Variants in MPHOSPH8 observed in about 807,000 individuals in gnomAD.
MPHOSPH8 encodes the protein M-phase phosphoprotein, mpp.
A neutral mutation model predicts 87.3 loss-of-function variants in MPHOSPH8; 45 were observed. That is an observed-to-expected ratio of 0.52 (90% CI 0.41 to 0.66). MPHOSPH8 has a LOEUF of 0.66. Among genes scored for constraint, MPHOSPH8 ranks in the 30% least tolerant of loss-of-function variants. The probability of loss-of-function intolerance (pLI) is 0.00; values close to 1 mark genes in which losing one functional copy is unlikely to be tolerated. For synonymous variants in MPHOSPH8, 366 were observed against 376.9 expected (o/e 0.97, Z 0.33); for missense variants, 883 against 1,020.2 (o/e 0.87, Z 1.83).
intron 5 of MPHOSPH8, among the ~76,000 whole-genome samples, chr13:19,658,388 C>T (rs1383399149): frequency 6.6e-6 from 1 of 152,170 alleles, no homozygotes; most frequent in Admixed American, 6.5e-5. Context: ...TGATTGATTG[C>T]AGTGGTGATA....
chr13:19,662,932 G>A lies in MPHOSPH8; in HGVS notation c.1933-108G>A. The A allele has an allele frequency of 3.2e-6, 3 of 944,066 alleles. No individual in the cohort carries two copies. In the East Asian group the frequency reaches 7.6e-5, roughly 24 times the overall value. The allele number at this position is 944,066 out of a possible 1,614,324, so 58.5% of individuals were successfully genotyped here. On this transcript the variant is annotated intron_variant, in intron 8 of 13. Transcript: ENST00000361479. ...AATGCTGCAGCCCGCAACCACTTGT[G>A]ATAGAACCTGCTGGGTATTTTTCCT...
chr13:19,650,880 A>G (rs1220520926), intron 5 of MPHOSPH8, among the ~76,000 whole-genome samples: 1 of 152,226 alleles, frequency 6.6e-6, no homozygotes, highest in African/African-American at 2.4e-5. Context: ...AAACCCTTAT[A>G]CTACAAAAAT....
intron 1 of MPHOSPH8, among the ~76,000 whole-genome samples, chr13:19,634,603 T>G (rs1354679589): frequency 6.6e-6 from 1 of 152,108 alleles, no homozygotes; most frequent in Non-Finnish European, 1.5e-5. Flanking sequence ...CTCAAATGCT[T>G]CCAAGGCCTC....
chr13:19,636,941 G>A (rs1290867863), intron 1 of MPHOSPH8, among the ~76,000 whole-genome samples: 1 of 152,080 alleles, frequency 6.6e-6, no homozygotes, highest in African/African-American at 2.4e-5. Flanking sequence ...AAATCCTAGG[G>A]CTATCATGCA....
chr13:19,648,503 G>C lies in MPHOSPH8; in HGVS notation c.1300G>C (p.Glu434Gln). 6.3e-7 allele frequency: 1 copy of C among 1,575,010 alleles called. No individual in the cohort carries two copies. Among genetic ancestry groups the C allele is most frequent in the Non-Finnish European group, 8.6e-7 (1 of 1,160,614 alleles). Residue 434 changes from glutamate to glutamine, a missense_variant, in exon 4 of 14, where the codon GAG (glutamate) becomes CAG (glutamine). This residue lies in a region of MPHOSPH8 where 741 missense variants were observed against 841.5 expected (regional missense o/e 0.88). Coordinates refer to ENST00000361479, the MANE Select transcript of MPHOSPH8 (RefSeq NM_017520.4). ...DSDKEEKGRK[E>Q]PKGLKTLKEI... ...TGACAAGGAAGAAAAAGGCAGAAAA[G>C]AGCCAAAAGGATTAAAGAGTGAGTG...
intron 5 of MPHOSPH8, 22 bp downstream of exon 5, chr13:19,650,282 A>T (rs760621888): frequency 1.2e-6 from 2 of 1,606,478 alleles, no homozygotes; most frequent in Non-Finnish European, 1.7e-6. Context: ...ATCATTTTGC[A>T]GAATTTTTCA....
intron 9 of MPHOSPH8, among the ~76,000 whole-genome samples, chr13:19,663,586 C>T (rs923705270): frequency 1.3e-5 from 2 of 152,174 alleles, no homozygotes; most frequent in Admixed American, 6.5e-5. Flanking sequence ...TTTGTTGCCT[C>T]GGGCTTGTTC....
intron 5 of MPHOSPH8, among the ~76,000 whole-genome samples, chr13:19,652,089 G>A (rs9551930): frequency 0.09 from 13,771 of 152,210 alleles, 1,554 homozygotes; most frequent in East Asian, 0.59. Flanking sequence ...GCAACAGTGC[G>A]AGTCTCCATC....
At chr13:19,653,884 G>T (rs1348024791) in intron 5 of MPHOSPH8, among the ~76,000 whole-genome samples, 4 of 152,096 alleles carry the variant, frequency 2.6e-5, no homozygotes, top group African/African-American at 9.7e-5. Flanking sequence ...AATGAACAAA[G>T]CCTCCAAGAA....
At chr13:19,671,396 GAGACAGGCAC>G in intron 13 of MPHOSPH8, 107 bp downstream of exon 13, 1 of 933,298 alleles carries the variant, frequency 1.1e-6, no homozygotes, top group South Asian at 1.4e-5. Flanking sequence ...ACCTGTCCTA[GAGACAGGCAC>G]TCCCTGGGGT....
intron 11 of MPHOSPH8, among the ~76,000 whole-genome samples, chr13:19,669,112 G>T (rs1445228887): frequency 6.6e-6 from 1 of 152,158 alleles, no homozygotes; most frequent in Non-Finnish European, 1.5e-5. Flanking sequence ...CCTGGAAAAT[G>T]TATTTAAGAA....
intron 1 of MPHOSPH8, 87 bp downstream of exon 1, chr13:19,634,048 C>G (rs1255001590): frequency 1.3e-5 from 17 of 1,340,228 alleles, no homozygotes; most frequent in Non-Finnish European, 1.8e-5. Flanking sequence ...ACGGGCAGAC[C>G]CAAAACAGGA....
intron 5 of MPHOSPH8, among the ~76,000 whole-genome samples, chr13:19,652,709 G>A (rs1874926975): frequency 6.6e-6 from 1 of 152,152 alleles, no homozygotes; most frequent in South Asian, 2.1e-4. Context: ...CAGCACAGCA[G>A]TCTGAGATCA....
intron 8 of MPHOSPH8, among the ~76,000 whole-genome samples, chr13:19,662,820 G>A (rs1875615394): frequency 6.6e-6 from 1 of 152,228 alleles, no homozygotes; most frequent in Non-Finnish European, 1.5e-5. Flanking sequence ...GTTGGAGCTA[G>A]CGGTTCCATT....
In MPHOSPH8 at chr13:19,672,573, A is replaced by C. The variant is rs1019683628; in HGVS notation, c.*698A>C. ...CAGCAAGGGAGCCATGTTATATTCA[A>C]GTTACCCAAGCACCAAATAAAGTGT... is the stretch of plus-strand genomic sequence containing the variant. On this transcript the variant is annotated 3_prime_UTR_variant, in exon 14 of 14. Transcript: ENST00000361479. 1 of 152,544 alleles carries C rather than the reference A, an allele frequency of 6.6e-6. No individual in the cohort carries two copies. 9.4% of individuals were successfully genotyped at this position (152,544 alleles called of 1,614,324 possible).
At chr13:19,645,149 C>G (rs932850531) in intron 2 of MPHOSPH8, among the ~76,000 whole-genome samples, 1 of 152,056 alleles carries the variant, frequency 6.6e-6, no homozygotes, top group Non-Finnish European at 1.5e-5. Context: ...TCCGCCTTGC[C>G]CAGTGCACAG....
intron 5 of MPHOSPH8, among the ~76,000 whole-genome samples, chr13:19,652,408 T>G (rs924266101): frequency 2.6e-5 from 4 of 152,136 alleles, no homozygotes; most frequent in Non-Finnish European, 5.9e-5. Flanking sequence ...CCAGATACTG[T>G]GCTTTTCCCA....
chr13:19,654,826 T>G (rs1253239197), intron 5 of MPHOSPH8, among the ~76,000 whole-genome samples: 3 of 152,064 alleles, frequency 2.0e-5, no homozygotes, highest in Non-Finnish European at 4.4e-5. Flanking sequence ...CACATGCCTG[T>G]AATCCCAGCT....
At chr13:19,649,952 A>G in intron 4 of MPHOSPH8, 51 bp from the exon 5 acceptor site, 1 of 1,404,834 alleles carries the variant, frequency 7.1e-7, no homozygotes, top group Non-Finnish European at 9.6e-7. Context: ...TTTTGAATGT[A>G]ACAGAAATTT....
Sources: allele counts gnomAD v4.1 joint callset (sites outside exome capture counted in the v4.1 genomes callset), GRCh38; gene constraint gnomAD v4.1.1; regional missense constraint gnomAD v4.1.1; transcripts MANE v1.5; gene names NCBI Gene and HGNC (gene_info 2026-07-23, HGNC 2026-07-21).